The following DPP6 variants were observed in gnomAD, a reference collection of about 807,000 sequenced individuals.
The protein encoded by DPP6 is A-type potassium channel modulatory protein DPP6.
A neutral mutation model predicts 122.6 loss-of-function variants in DPP6; 69 were observed. That is an observed-to-expected ratio of 0.56 (90% confidence interval 0.46 to 0.69). The LOEUF (loss-of-function observed/expected upper bound fraction) is 0.69, where lower values mean the gene tolerates loss of function less well. DPP6 is among the 30% of genes least tolerant of loss of function. The pLI is 0.00. For missense variants in DPP6, 928 were observed against 1,116.9 expected (o/e 0.83, Z 2.41); for synonymous variants, 418 against 433.1 (o/e 0.97, Z 0.43).
the DPP6 span, among the ~76,000 whole-genome samples, chr7:153,843,092 G>C: frequency 1.3e-5 from 2 of 150,038 alleles, no homozygotes; most frequent in East Asian, 3.9e-4. Context: ...ACACACACGA[G>C]TGCATACACA....
At chr7:153,803,324 TG>T in the DPP6 span, among the ~76,000 whole-genome samples, 1 of 149,798 alleles carries the variant, frequency 6.7e-6, no homozygotes, top group Admixed American at 6.7e-5. Flanking sequence ...CATTTCTAGA[TG>T]GGATTAGCAT....
chr7:154,291,608 C>G (rs1039553877), intron 1 of DPP6, among the ~76,000 whole-genome samples: 1 of 152,174 alleles, frequency 6.6e-6, no homozygotes, highest in Non-Finnish European at 1.5e-5. Context: ...TTCAGTCTGC[C>G]CTGCTAGCCA....
the DPP6 span, among the ~76,000 whole-genome samples, chr7:153,809,229 T>C: frequency 1.3e-5 from 2 of 152,088 alleles, no homozygotes; most frequent in Non-Finnish European, 2.9e-5. Context: ...CCTTTGCCTA[T>C]TGTTTTACTT....
At chr7:153,844,636 C>G in the DPP6 span, among the ~76,000 whole-genome samples, 1 of 152,166 alleles carries the variant, frequency 6.6e-6, no homozygotes, top group Non-Finnish European at 1.5e-5. Flanking sequence ...ATTCTTAGTT[C>G]ATGGGTCATA....
At chr7:154,222,950 G>A (rs1346302007) in intron 1 of DPP6, among the ~76,000 whole-genome samples, 1 of 148,928 alleles carries the variant, frequency 6.7e-6, no homozygotes, top group Non-Finnish European at 1.5e-5. Context: ...GTAGGACCCT[G>A]ACACCCCTTC....
chr7:153,940,914 T>C (rs895665447), intron 1 of DPP6, among the ~76,000 whole-genome samples: 13 of 152,160 alleles, frequency 8.5e-5, no homozygotes, highest in Middle Eastern at 3.2e-3. Context: ...AAATCTCTCC[T>C]GTAGCGAAAC....
At chr7:154,125,319 T>C (rs1041188703) in intron 1 of DPP6, among the ~76,000 whole-genome samples, 14 of 152,260 alleles carry the variant, frequency 9.2e-5, no homozygotes, top group South Asian at 2.1e-4. Context: ...CCTACCTGCT[T>C]CTGTTTATAT....
intron 1 of DPP6, chr7:153,887,803 T>C (rs1799001812): frequency 1.9e-6 from 3 of 1,547,072 alleles, no homozygotes; most frequent in South Asian, 1.2e-5. Flanking sequence ...CTGGGGGAGG[T>C]CTGTCCTTCT....
chr7:154,798,045 G>A (rs1730182604), intron 12 of DPP6, among the ~76,000 whole-genome samples: 2 of 152,236 alleles, frequency 1.3e-5, no homozygotes, highest in Non-Finnish European at 2.9e-5. Flanking sequence ...AGGAGGAGGT[G>A]AGGGACGTGA....
At chr7:153,949,271 G>A (rs576183935) in intron 1 of DPP6, among the ~76,000 whole-genome samples, 6 of 152,336 alleles carry the variant, frequency 3.9e-5, no homozygotes, top group African/African-American at 1.4e-4. Context: ...AGGAGATGTG[G>A]CAGTAGCGCC....
chr7:154,332,699 A>G (rs1252258995), intron 1 of DPP6, among the ~76,000 whole-genome samples: 3 of 152,212 alleles, frequency 2.0e-5, no homozygotes, highest in African/African-American at 7.2e-5. Flanking sequence ...ATCTAGGTTT[A>G]TAAAGTGTGT....
intron 1 of DPP6, among the ~76,000 whole-genome samples, chr7:153,918,163 A>AC (rs1385719797): frequency 6.6e-6 from 1 of 152,190 alleles, no homozygotes; most frequent in Non-Finnish European, 1.5e-5. Flanking sequence ...TCTGGAAATA[A>AC]CCGAGTCATA....
At position 154,425,504 on chromosome 7, in the gene DPP6, C is replaced by G. The variant is rs145419876; in HGVS notation, c.244-20710C>G. ...ATGTTTTGAAAGCACTGGCTTTGTCCCTATGTGAGCTTGCTAGTTAGTTGA... is the reference window on the plus strand; with the variant it reads ...ATGTTTTGAAAGCACTGGCTTTGTCGCTATGTGAGCTTGCTAGTTAGTTGA... On this transcript the variant is annotated intron_variant, in intron 1 of 25. Coordinates refer to ENST00000377770, the MANE Select transcript of DPP6 (RefSeq NM_130797.4). 3.3e-3 allele frequency among the ~76,000 whole-genome samples: 504 copies of G among 152,052 alleles called. 12 individuals are homozygous for G. The highest frequency in any genetic ancestry group is 0.025 in the Admixed American group (388 of 15,256).
intron 1 of DPP6, chr7:154,305,228 G>A (rs1398914155): frequency 8.3e-7 from 1 of 1,200,124 alleles, no homozygotes; most frequent in Non-Finnish European, 1.0e-6. Flanking sequence ...TTTCTGTGGC[G>A]ATTGCAGAGG....
the DPP6 span, among the ~76,000 whole-genome samples, chr7:153,811,221 G>C: frequency 7.9e-5 from 12 of 152,218 alleles, no homozygotes; most frequent in Admixed American, 6.5e-4. Flanking sequence ...GTTAAAGGAT[G>C]CTCCACAATT....
intron 1 of DPP6, among the ~76,000 whole-genome samples, chr7:154,306,720 A>G (rs1806380614): frequency 6.6e-6 from 1 of 152,186 alleles, no homozygotes; most frequent in South Asian, 2.1e-4. Context: ...ATCATCATCT[A>G]AAGAACTTAA....
At chr7:154,583,269 GT>G (rs1205311847) in intron 5 of DPP6, among the ~76,000 whole-genome samples, 1 of 152,232 alleles carries the variant, frequency 6.6e-6, no homozygotes, top group Non-Finnish European at 1.5e-5. Flanking sequence ...CAGCAGGTCG[GT>G]TTCTGGTGAC....
At chr7:154,374,555 G>A (rs1812951983) in intron 1 of DPP6, among the ~76,000 whole-genome samples, 2 of 151,580 alleles carry the variant, frequency 1.3e-5, no homozygotes, top group Admixed American at 6.6e-5. Context: ...AGAATGGGCT[G>A]ACATTATAGG....
At chr7:154,146,829 GCCCTGCTCCCCTGGGTGCACTTCCT>G (rs1349636003) in intron 1 of DPP6, among the ~76,000 whole-genome samples, 2 of 146,688 alleles carry the variant, frequency 1.4e-5, no homozygotes, top group Admixed American at 1.3e-4. Context: ...GCCAGGCAGG[GCCCTGCTCCCCTGGGTGCACTTCCT>G]CCCTGCTCCC....
Sources: gnomAD v4.1 joint callset for allele counts (sites outside exome capture counted in the v4.1 genomes callset) on GRCh38, gnomAD v4.1.1 for gene constraint, MANE v1.5 for transcripts, NCBI Gene and HGNC (gene_info 2026-07-23, HGNC 2026-07-21) for gene names.